The following KCNQ1 variants were observed in gnomAD, a reference collection of about 807,000 sequenced individuals.
KCNQ1 encodes potassium voltage-gated channel subfamily Q member 1.
KCNQ1 carries 49 observed loss-of-function variants against 72.4 expected under a neutral mutation model. The observed-to-expected ratio is 0.68, with a 90% CI of 0.54 to 0.86. KCNQ1 has a LOEUF of 0.86. Ranked by LOEUF, KCNQ1 falls within the 40% of genes least tolerant of loss-of-function variation. KCNQ1 has a pLI of 0.00. For missense variants in KCNQ1, 790 were observed against 945.1 expected (o/e 0.84, Z 2.15); for synonymous variants, 450 against 412.6 (o/e 1.09, Z -1.10).
In KCNQ1 at chr11:2,611,555, C is replaced by T; in HGVS notation, c.1393+22701C>T. On this transcript the variant is annotated intron_variant, in intron 10 of 15. Coordinates refer to ENST00000155840, the MANE Select transcript of KCNQ1 (RefSeq NM_000218.3). The surrounding 1 kb of genome is among the most constrained non-coding windows in gnomAD (Gnocchi z 5.3). ...TACAGTCACTCTAGCTTTCTTATTA[C>T]TGTTTGCATGTCATCTTTTTCCATC... 2 of 398,502 alleles carry T rather than the reference C, an allele frequency of 5.0e-6. No individual in the cohort carries two copies. Among genetic ancestry groups the T allele is most frequent in the Admixed American group, 8.8e-5 (2 of 22,730 alleles). The allele number at this position is 398,502 out of a possible 1,614,324, so 24.7% of individuals were successfully genotyped here. A position where few individuals can be genotyped will look rare whatever the true frequency, so the allele number is the denominator to read the frequency against.
At chr11:2,619,983 T>C (rs1849138786) in intron 10 of KCNQ1, 1 of 398,146 alleles carries the variant, frequency 2.5e-6, no homozygotes. Context: ...GTGAGCATAG[T>C]ACCCAATAGG....
intron 11 of KCNQ1, among the ~76,000 whole-genome samples, chr11:2,708,455 G>A (rs1025843384): frequency 4.6e-5 from 7 of 152,174 alleles, no homozygotes; most frequent in African/African-American, 1.7e-4. Context: ...CACAGCCCCC[G>A]AGGAGGGTGG....
At chr11:2,692,186 G>C in intron 11 of KCNQ1, 1 of 398,760 alleles carries the variant, frequency 2.5e-6, no homozygotes, top group East Asian at 3.6e-5. Flanking sequence ...CAAGTCAGAA[G>C]TTCTGGGGTC....
intron 11 of KCNQ1, chr11:2,667,238 G>A (rs540782508): frequency 3.6e-4 from 142 of 398,582 alleles, no homozygotes; most frequent in Admixed American, 5.7e-4. Flanking sequence ...CACTTCCTCC[G>A]TCTGAGCACG....
rs1177201733 is a variant in KCNQ1 at position 2,541,893 on chromosome 11, G to T, written c.477+13875G>T. 1.3e-5 allele frequency among the ~76,000 whole-genome samples: 2 copies of T among 152,136 alleles called. No homozygotes were observed. Among genetic ancestry groups the T allele is most frequent in the Non-Finnish European group, 2.9e-5 (2 of 68,040 alleles). Reference sequence around the variant, plus strand: ...CCTCGCATAGACATCAGCTAAGGGGGTTTGGGGGCCAGTCGGCAGCCTCTG... The same window carrying T: ...CCTCGCATAGACATCAGCTAAGGGGTTTTGGGGGCCAGTCGGCAGCCTCTG... On this transcript the variant is annotated intron_variant, in intron 2 of 15. Coordinates refer to ENST00000155840, the MANE Select transcript of KCNQ1 (RefSeq NM_000218.3). The surrounding 1 kb of genome is among the most constrained non-coding windows in gnomAD (Gnocchi z 4.8).
At chr11:2,694,563 G>A in intron 11 of KCNQ1, 1 of 398,630 alleles carries the variant, frequency 2.5e-6, no homozygotes, top group East Asian at 3.6e-5. Flanking sequence ...TTCTCACTGA[G>A]TTGTGAAAAT....
Position 2,827,397 on chromosome 11 carries a change from C to G in KCNQ1, c.1795-20370C>G, listed in dbSNP as rs1847860615. Among the ~76,000 whole-genome samples the G allele has an allele frequency of 1.3e-5, 2 of 152,126 alleles. No individual in the cohort carries two copies. The highest frequency in any genetic ancestry group is 1.3e-4 in the Admixed American group (2 of 15,274). On this transcript the variant is annotated intron_variant, in intron 15 of 15. Transcript: ENST00000155840. The surrounding 1 kb of genome is among the most constrained non-coding windows in gnomAD (Gnocchi z 6.7). ...TGTCCTATGGTCCCCAGCGGCTGCTCCTGCATTCACCATCACATCTGCATT... is the reference window on the plus strand; with the variant it reads ...TGTCCTATGGTCCCCAGCGGCTGCTGCTGCATTCACCATCACATCTGCATT...
In KCNQ1 at chr11:2,526,253, G is replaced by A. The variant is rs1025450005; in HGVS notation, c.387-1675G>A. On this transcript the variant is annotated intron_variant, in intron 1 of 15. Coordinates refer to ENST00000155840, the MANE Select transcript of KCNQ1 (RefSeq NM_000218.3). This position sits in a 1 kb window ranked among gnomAD's most constrained non-coding sequence, Gnocchi z 6.1. ...TGGGCTGGGGGCGCCGAGGGTGGAGGTGGGCACTGTGGTCAGGGGGAGATG... is the reference window on the plus strand; with the variant it reads ...TGGGCTGGGGGCGCCGAGGGTGGAGATGGGCACTGTGGTCAGGGGGAGATG... Among the ~76,000 whole-genome samples, 1 of 151,970 alleles carries A rather than the reference G, an allele frequency of 6.6e-6. No homozygotes were observed. Among genetic ancestry groups the A allele is most frequent in the Non-Finnish European group, 1.5e-5 (1 of 67,990 alleles).
intron 15 of KCNQ1, among the ~76,000 whole-genome samples, chr11:2,825,423 G>A (rs981159266): frequency 6.6e-6 from 1 of 152,194 alleles, no homozygotes; most frequent in Non-Finnish European, 1.5e-5. Context: ...GGTGCTGGAA[G>A]AGCAAGCACC....
At chr11:2,551,924 A>G (rs931813410) in intron 2 of KCNQ1, among the ~76,000 whole-genome samples, 2 of 152,202 alleles carry the variant, frequency 1.3e-5, no homozygotes, top group Non-Finnish European at 2.9e-5. Context: ...TGGTTTTAAC[A>G]ATTAGGTTGT....
rs553090599 is a variant in KCNQ1 at position 2,478,032 on chromosome 11, C to A, written c.386+32548C>A. The stretch of plus-strand genomic sequence containing the variant: ...CTTTCTAGAGGCAAAGCTGGCGACA[C>A]CACCCGAGCCAAGTGATCCAAGTTA... On this transcript the variant is annotated intron_variant, in intron 1 of 15. Transcript: ENST00000155840. This position sits in a 1 kb window ranked among gnomAD's most constrained non-coding sequence, Gnocchi z 4.0. 2.0e-5 allele frequency among the ~76,000 whole-genome samples: 3 copies of A among 152,296 alleles called. No individual in the cohort carries two copies. Among genetic ancestry groups the A allele is most frequent in the Non-Finnish European group, 2.9e-5 (2 of 68,024 alleles).
intron 12 of KCNQ1, among the ~76,000 whole-genome samples, chr11:2,774,929 C>T (rs1377760187): frequency 6.6e-6 from 1 of 152,152 alleles, no homozygotes. Context: ...GCTGGCCCTG[C>T]CCCACCCCTC....
At chr11:2,667,497 CCA>C (rs1049727422) in intron 11 of KCNQ1, 1 of 398,360 alleles carries the variant, frequency 2.5e-6, no homozygotes, top group African/African-American at 2.1e-5. Flanking sequence ...AACATTCACG[CCA>C]CAGAGGTGGC....
Position 2,668,651 on chromosome 11 carries a change from T to G in KCNQ1, c.1514+6570T>G, listed in dbSNP as rs1348419735. 2.5e-6 allele frequency: 1 copy of G among 398,490 alleles called. No homozygotes were observed. Among genetic ancestry groups the G allele is most frequent in the African/African-American group, 2.1e-5 (1 of 48,616 alleles). 24.7% of individuals were successfully genotyped at this position (398,490 alleles called of 1,614,324 possible). A position where few individuals can be genotyped will look rare whatever the true frequency, so the allele number is the denominator to read the frequency against. On this transcript the variant is annotated intron_variant, in intron 11 of 15. Transcript: ENST00000155840. The surrounding 1 kb of genome is among the most constrained non-coding windows in gnomAD (Gnocchi z 4.3). Reference sequence around the variant, plus strand: ...ATGTTTATTTATGGTCCTATATATCTTTAGATATTCTGGAGTCATTTGTCA... The same window carrying G: ...ATGTTTATTTATGGTCCTATATATCGTTAGATATTCTGGAGTCATTTGTCA...
rs1257323698 is a variant in KCNQ1 at position 2,492,220 on chromosome 11, T to G, written c.387-35708T>G. Among the ~76,000 whole-genome samples the G allele has an allele frequency of 6.6e-6, 1 of 152,104 alleles. No homozygotes were observed. The highest frequency in any genetic ancestry group is 6.5e-5 in the Admixed American group (1 of 15,268). On this transcript the variant is annotated intron_variant, in intron 1 of 15. Coordinates refer to ENST00000155840, the MANE Select transcript of KCNQ1 (RefSeq NM_000218.3). The surrounding 1 kb of genome is among the most constrained non-coding windows in gnomAD (Gnocchi z 4.1). Reference sequence around the variant, plus strand: ...TTATGGTGTGTAAACTACTCATATATTAAGTAGAAGGATGAAAAGAAGAAC... The same window carrying G: ...TTATGGTGTGTAAACTACTCATATAGTAAGTAGAAGGATGAAAAGAAGAAC...
chr11:2,667,698 G>C (rs974710239), intron 11 of KCNQ1: 7 of 398,698 alleles, frequency 1.8e-5, no homozygotes, highest in Non-Finnish European at 2.7e-5. Context: ...AGGTGACCTA[G>C]TCAGGAAGTC....
rs1278789853 is a variant in KCNQ1, at chr11:2,493,029, A to AT, written c.387-34893dup. 6.6e-6 allele frequency among the ~76,000 whole-genome samples: 1 copy of AT among 151,988 alleles called. No individual in the cohort carries two copies. ...CCTCTCCAGCATCTGTTGTTTCCTG[A>AT]TTTTTTAGTGATCGCCATTCTAACT... On this transcript the variant is annotated intron_variant, in intron 1 of 15. Coordinates refer to ENST00000155840, the MANE Select transcript of KCNQ1 (RefSeq NM_000218.3). This position sits in a 1 kb window ranked among gnomAD's most constrained non-coding sequence, Gnocchi z 5.3.
rs1266726966 is a variant in KCNQ1, at chr11:2,663,396, G to A, written c.1514+1315G>A. 2 of 398,890 alleles carry A rather than the reference G, an allele frequency of 5.0e-6. No homozygotes were observed. The highest frequency in any genetic ancestry group is 4.4e-6 in the Non-Finnish European group (1 of 226,268). The allele number at this position is 398,890 out of a possible 1,614,324, so 24.7% of individuals were successfully genotyped here. A position where few individuals can be genotyped will look rare whatever the true frequency, so the allele number is the denominator to read the frequency against. On this transcript the variant is annotated intron_variant, in intron 11 of 15. Coordinates refer to ENST00000155840, the MANE Select transcript of KCNQ1 (RefSeq NM_000218.3). This position sits in a 1 kb window ranked among gnomAD's most constrained non-coding sequence, Gnocchi z 5.2. Reference sequence around the variant, plus strand: ...GGTCAGCACCAGAAGGCAGAATGATGGCTTACACTGTGGCCAAGGCCTGTA... The same window carrying A: ...GGTCAGCACCAGAAGGCAGAATGATAGCTTACACTGTGGCCAAGGCCTGTA...
At position 2,812,389 on chromosome 11, in the gene KCNQ1, C is replaced by T. The variant is rs535111445; in HGVS notation, c.1794+34352C>T. Reference sequence around the variant, plus strand: ...GCCGAGGAGGGTTCCGTTCCCTCCCCCACCCTGGCAGTGCTCGGGGGCTCC... The same window carrying T: ...GCCGAGGAGGGTTCCGTTCCCTCCCTCACCCTGGCAGTGCTCGGGGGCTCC... On this transcript the variant is annotated intron_variant, in intron 15 of 15. Coordinates refer to ENST00000155840, the MANE Select transcript of KCNQ1 (RefSeq NM_000218.3). Among the ~76,000 whole-genome samples the T allele has an allele frequency of 2.0e-5, 3 of 152,300 alleles. No individual in the cohort carries two copies. The South Asian group carries it at 6.2e-4, about 32-fold the overall frequency.
Sources: allele counts gnomAD v4.1 joint callset (sites outside exome capture counted in the v4.1 genomes callset), GRCh38; gene constraint gnomAD v4.1.1; non-coding constraint Gnocchi (gnomAD v3.1); transcripts MANE v1.5; gene names NCBI Gene and HGNC (gene_info 2026-07-23, HGNC 2026-07-21).